The following FRY variants were observed in gnomAD, a reference collection of about 807,000 sequenced individuals.
FRY encodes the protein FRY microtubule binding protein.
In FRY, 128 loss-of-function variants were observed where a neutral mutation model predicts 348.4. The ratio of observed to expected loss-of-function variants is 0.37; its 90% CI spans 0.32 to 0.43. The LOEUF is 0.43. Ranked by LOEUF, FRY falls within the 20% of genes least tolerant of loss-of-function variation. FRY has a pLI of 1.00. For synonymous variants in FRY, 1,370 were observed against 1,374.7 expected (o/e 1.00, Z 0.08); for missense variants, 2,736 against 3,695.2 (o/e 0.74, Z 6.73).
chr13:32,097,787 A>G (rs565589846), intron 2 of FRY, among the ~76,000 whole-genome samples: 1 of 152,020 alleles, frequency 6.6e-6, no homozygotes, highest in Non-Finnish European at 1.5e-5. Flanking sequence ...TGTGTTGGTT[A>G]AGAAGTTTTT....
intron 58 of FRY, among the ~76,000 whole-genome samples, chr13:32,284,432 A>T (rs1888953197): frequency 6.6e-6 from 1 of 152,256 alleles, no homozygotes; most frequent in African/African-American, 2.4e-5. Flanking sequence ...CATCCTTCAG[A>T]TATAGTCAAT....
At chr13:32,082,742 C>T (rs1875581319) in intron 2 of FRY, among the ~76,000 whole-genome samples, 1 of 152,178 alleles carries the variant, frequency 6.6e-6, no homozygotes. Context: ...AGTTGAAATT[C>T]ATTCTCCCTC....
At chr13:32,202,951 A>T (rs9567422) in intron 31 of FRY, among the ~76,000 whole-genome samples, 8,910 of 145,796 alleles carry the variant, frequency 0.061, 420 homozygotes, top group East Asian at 0.28. Flanking sequence ...AGTCTCAAAA[A>T]AAAAAAAAAA....
At position 32,046,136 on chromosome 13, in the gene FRY, C is replaced by T. The variant is rs539859999; in HGVS notation, c.70+14271C>T. Among the ~76,000 whole-genome samples, 6 of 152,298 alleles carry T rather than the reference C, an allele frequency of 3.9e-5. No homozygotes were observed. The South Asian group carries it at 1.2e-3, about 32-fold the overall frequency. On this transcript the variant is annotated intron_variant, in intron 1 of 60. Transcript: ENST00000542859. ...TTTTAGGGAGTGACTAAGAGACTGTCACTTCTTGGGCCAGGAGAATGAAAA... is the reference window on the plus strand; with the variant it reads ...TTTTAGGGAGTGACTAAGAGACTGTTACTTCTTGGGCCAGGAGAATGAAAA...
At chr13:32,122,893 A>G (rs1878759744) in intron 4 of FRY, among the ~76,000 whole-genome samples, 2 of 152,164 alleles carry the variant, frequency 1.3e-5, no homozygotes, top group Admixed American at 1.3e-4. Flanking sequence ...TATACTAACA[A>G]CGACTAAGCG....
At chr13:32,238,137 A>G (rs563147721) in intron 44 of FRY, 151 bp downstream of exon 44, 45 of 866,652 alleles carry the variant, frequency 5.2e-5, no homozygotes, top group African/African-American at 5.2e-4. Context: ...AAAATTCTAT[A>G]TAATGTAAAT....
chr13:32,198,975 A>G (rs566697873), intron 29 of FRY, among the ~76,000 whole-genome samples: 1 of 152,352 alleles, frequency 6.6e-6, no homozygotes, highest in South Asian at 2.1e-4. Flanking sequence ...TTGTGGCACT[A>G]TAATAATGAA....
chr13:32,274,799 G>A (rs574263573), intron 55 of FRY, 43 bp from the exon 56 acceptor site: 2 of 1,497,510 alleles, frequency 1.3e-6, no homozygotes, highest in Non-Finnish European at 1.8e-6. Context: ...TCATATATAA[G>A]TTTAACTTGA....
At chr13:32,256,013 G>A (rs1292706352) in intron 51 of FRY, among the ~76,000 whole-genome samples, 1 of 152,106 alleles carries the variant, frequency 6.6e-6, no homozygotes, top group African/African-American at 2.4e-5. Context: ...GATGTAAAGC[G>A]AAGTAATCCG....
Position 32,228,622 on chromosome 13 carries a change from G to A in FRY, c.5373G>A (p.Lys1791=), listed in dbSNP as rs1402295094. The change falls in exon 40 of 61, where the codon AAG becomes AAA. Residue 1791 remains lysine, a synonymous_variant. Transcript: ENST00000542859. ...ACACAGCTGCTGAAACAGATGAGAA[G>A]GCAAACAAGCTCATTGAGTTTCTCA... ...DVDTAAETDE[K]ANKLIEFLTT... is the part of the protein sequence containing the mutation. 1 of 1,614,010 alleles carries A rather than the reference G, an allele frequency of 6.2e-7. No individual in the cohort carries two copies. The highest frequency in any genetic ancestry group is 1.7e-5 in the Admixed American group (1 of 59,996).
intron 1 of FRY, among the ~76,000 whole-genome samples, chr13:32,059,486 G>T (rs1360359924): frequency 6.8e-6 from 1 of 147,038 alleles, no homozygotes; most frequent in Non-Finnish European, 1.5e-5. Flanking sequence ...AATTTATAGA[G>T]AATGTAGTAT....
At chr13:32,283,065 T>C (rs924420613) in intron 58 of FRY, among the ~76,000 whole-genome samples, 2 of 150,962 alleles carry the variant, frequency 1.3e-5, no homozygotes, top group Admixed American at 6.6e-5. Context: ...CTCTTGAACC[T>C]GGGAGGCAGA....
chr13:32,263,277 C>G (rs1313305287), intron 53 of FRY, among the ~76,000 whole-genome samples: 1 of 152,090 alleles, frequency 6.6e-6, no homozygotes, highest in Admixed American at 6.6e-5. Flanking sequence ...GAAAAAATTT[C>G]ATAAAAGTAT....
chr13:32,135,017 C>T, intron 9 of FRY, 21 bp downstream of exon 9: 1 of 1,580,846 alleles, frequency 6.3e-7, no homozygotes, highest in East Asian at 2.2e-5. Context: ...TTTCTAAAAA[C>T]TCCTTCAAAT....
intron 1 of FRY, among the ~76,000 whole-genome samples, chr13:32,064,263 C>G (rs1487263057): frequency 6.6e-6 from 1 of 152,002 alleles, no homozygotes; most frequent in Non-Finnish European, 1.5e-5. Flanking sequence ...CCCCACCATT[C>G]ATAAATTCCT....
intron 52 of FRY, 33 bp from the exon 53 acceptor site, chr13:32,262,281 T>C (rs773835449): frequency 2.8e-5 from 44 of 1,573,016 alleles, no homozygotes; most frequent in South Asian, 2.4e-4. Flanking sequence ...GGGAACTTCA[T>C]ACTATGTTTA....
chr13:32,229,756 G>C (rs1295180690), intron 40 of FRY, among the ~76,000 whole-genome samples: 1 of 152,180 alleles, frequency 6.6e-6, no homozygotes, highest in Non-Finnish European at 1.5e-5. Flanking sequence ...TACGGTATTT[G>C]CAGCTTGATG....
intron 40 of FRY, among the ~76,000 whole-genome samples, chr13:32,228,994 G>A (rs1487516393): frequency 6.6e-6 from 1 of 152,166 alleles, no homozygotes; most frequent in Non-Finnish European, 1.5e-5. Context: ...GCTGCCAGGG[G>A]TTAGTAGTTC....
intron 38 of FRY, among the ~76,000 whole-genome samples, chr13:32,225,317 G>T (rs548741784): frequency 6.6e-6 from 1 of 152,096 alleles, no homozygotes; most frequent in Admixed American, 6.6e-5. Flanking sequence ...GAGAGTCTTC[G>T]GCTGAAATGG....
Sources: allele counts gnomAD v4.1 joint callset (sites outside exome capture counted in the v4.1 genomes callset), GRCh38; gene constraint gnomAD v4.1.1; transcripts MANE v1.5; gene names NCBI Gene and HGNC (gene_info 2026-07-23, HGNC 2026-07-21).